Variants in MARCHF1 observed in about 807,000 individuals in gnomAD.
The protein encoded by MARCHF1 is E3 ubiquitin-protein ligase MARCHF1.
Under a neutral mutation model 54.2 loss-of-function variants are expected in MARCHF1, and 40 were observed. The ratio of observed to expected loss-of-function variants is 0.74; its 90% CI spans 0.57 to 0.96. The LOEUF is 0.96. MARCHF1 is among the 40% of genes least tolerant of loss of function. The probability of loss-of-function intolerance (pLI) is 0.00; values close to 1 mark genes in which losing one functional copy is unlikely to be tolerated. For missense variants in MARCHF1, 586 were observed against 656.5 expected (o/e 0.89, Z 1.17); for synonymous variants, 236 against 236.3 (o/e 1.00, Z 0.01).
intron 1 of MARCHF1, among the ~76,000 whole-genome samples, chr4:164,282,973 T>G (rs1483267279): frequency 2.0e-5 from 3 of 151,222 alleles, no homozygotes; most frequent in African/African-American, 7.3e-5. Flanking sequence ...TCCATCACTG[T>G]GGACATAGAA....
At chr4:163,597,522 G>A (rs1348055332) in intron 7 of MARCHF1, among the ~76,000 whole-genome samples, 2 of 152,004 alleles carry the variant, frequency 1.3e-5, no homozygotes, top group Non-Finnish European at 2.9e-5. Context: ...ATGGAAAAAG[G>A]TTATAAGGAA....
intron 2 of MARCHF1, among the ~76,000 whole-genome samples, chr4:164,024,553 A>G (rs1252098869): frequency 6.6e-6 from 1 of 152,234 alleles, no homozygotes; most frequent in African/African-American, 2.4e-5. Context: ...GGAATTCATT[A>G]TAACTAGACA....
intron 5 of MARCHF1, among the ~76,000 whole-genome samples, chr4:163,669,757 C>T (rs1475011569): frequency 1.3e-5 from 2 of 152,076 alleles, no homozygotes; most frequent in African/African-American, 4.8e-5. Context: ...TGCCACCATA[C>T]CTGGCTAATT....
At chr4:163,607,689 T>G (rs143239304) in intron 7 of MARCHF1, among the ~76,000 whole-genome samples, 265 of 152,230 alleles carry the variant, frequency 1.7e-3, no homozygotes, top group African/African-American at 6.2e-3. Flanking sequence ...AATACATTCT[T>G]TAGATTCTTT....
intron 4 of MARCHF1, among the ~76,000 whole-genome samples, chr4:163,833,883 G>A (rs1175416699): frequency 6.6e-6 from 1 of 152,092 alleles, no homozygotes; most frequent in African/African-American, 2.4e-5. Context: ...GCTTTTCTGA[G>A]GCAATTAGAA....
At chr4:164,291,555 C>T (rs571535062) in intron 1 of MARCHF1, among the ~76,000 whole-genome samples, 1 of 152,018 alleles carries the variant, frequency 6.6e-6, no homozygotes, top group East Asian at 1.9e-4. Flanking sequence ...ATTATTTCAT[C>T]ATTGTACAAC....
At chr4:163,553,611 G>A (rs189202419) in intron 8 of MARCHF1, among the ~76,000 whole-genome samples, 1 of 152,296 alleles carries the variant, frequency 6.6e-6, no homozygotes, top group East Asian at 1.9e-4. Flanking sequence ...AAGAAATGGA[G>A]CAAATATCAT....
chr4:163,843,711 A>G (rs1321591604), intron 4 of MARCHF1, among the ~76,000 whole-genome samples: 1 of 151,558 alleles, frequency 6.6e-6, no homozygotes, highest in Non-Finnish European at 1.5e-5. Flanking sequence ...CCCCGACAGG[A>G]CCCAGTGTGT....
At chr4:163,633,909 C>T (rs1012236496) in intron 5 of MARCHF1, among the ~76,000 whole-genome samples, 10 of 152,248 alleles carry the variant, frequency 6.6e-5, no homozygotes, top group Non-Finnish European at 1.3e-4. Flanking sequence ...TGGCAGACAC[C>T]CTACAAGCCA....
chr4:163,806,008 T>C (rs1321140273), intron 4 of MARCHF1, among the ~76,000 whole-genome samples: 4 of 152,204 alleles, frequency 2.6e-5, no homozygotes, highest in African/African-American at 9.6e-5. Context: ...TCCTCTACAC[T>C]TGGATCTGCC....
In MARCHF1 at chr4:163,809,796, AAAC is replaced by A. The variant is rs558303793; in HGVS notation, c.111+44222_111+44224del. Among the ~76,000 whole-genome samples, 471 of 152,318 alleles carry A rather than the reference AAAC, an allele frequency of 3.1e-3. 3 individuals are homozygous for A. Among genetic ancestry groups the A allele is most frequent in the African/African-American group, 0.011 (448 of 41,582 alleles). On this transcript the variant is annotated intron_variant, in intron 4 of 9. Transcript: ENST00000514618. ...TTTTAGTCACACTAAAGATATTTTTAAACAAAAACAAAATTTAAAATGTTAAGA... is the reference window on the plus strand; with the variant it reads ...TTTTAGTCACACTAAAGATATTTTTAAAAAACAAAATTTAAAATGTTAAGA...
intron 1 of MARCHF1, among the ~76,000 whole-genome samples, chr4:164,203,023 A>C (rs1332504329): frequency 2.6e-5 from 4 of 151,794 alleles, no homozygotes; most frequent in Non-Finnish European, 4.4e-5. Context: ...GAAATAACAG[A>C]GTAGATTGAG....
At chr4:163,860,918 C>A in intron 3 of MARCHF1, among the ~76,000 whole-genome samples, 1 of 151,936 alleles carries the variant, frequency 6.6e-6, no homozygotes, top group East Asian at 1.9e-4. Flanking sequence ...TCTACAACAA[C>A]AAAAAATTAC....
At chr4:163,930,356 A>T (rs1751643373) in intron 3 of MARCHF1, among the ~76,000 whole-genome samples, 1 of 152,004 alleles carries the variant, frequency 6.6e-6, no homozygotes, top group African/African-American at 2.4e-5. Flanking sequence ...TACCTCAGAA[A>T]TTGAACAGAG....
intron 3 of MARCHF1, among the ~76,000 whole-genome samples, chr4:163,867,273 T>G (rs1262313587): frequency 6.6e-6 from 1 of 151,930 alleles, no homozygotes; most frequent in African/African-American, 2.4e-5. Flanking sequence ...ACTATGATAT[T>G]TACATAAAGT....
At chr4:164,230,016 C>A (rs1252003893) in intron 1 of MARCHF1, among the ~76,000 whole-genome samples, 8 of 152,130 alleles carry the variant, frequency 5.3e-5, no homozygotes, top group Non-Finnish European at 1.2e-4. Context: ...TGGGCTCAAG[C>A]AATCTTCCTA....
intron 2 of MARCHF1, among the ~76,000 whole-genome samples, chr4:164,027,822 A>G (rs1475070225): frequency 1.3e-5 from 2 of 152,154 alleles, no homozygotes; most frequent in African/African-American, 4.8e-5. Flanking sequence ...ATGAGAGAAA[A>G]TATTCACAAA....
At chr4:164,241,870 G>T (rs12511867) in intron 1 of MARCHF1, among the ~76,000 whole-genome samples, 11 of 151,590 alleles carry the variant, frequency 7.3e-5, no homozygotes, top group Non-Finnish European at 1.5e-4. Flanking sequence ...GGTGACGGAT[G>T]GCACCTGGAA....
chr4:163,975,438 A>T (rs1181292728), intron 3 of MARCHF1, among the ~76,000 whole-genome samples: 1 of 152,194 alleles, frequency 6.6e-6, no homozygotes, highest in Non-Finnish European at 1.5e-5. Flanking sequence ...TTCAGTTTTC[A>T]ACCAAAATTT....
Sources: gnomAD v4.1 joint callset for allele counts (sites outside exome capture counted in the v4.1 genomes callset) on GRCh38, gnomAD v4.1.1 for gene constraint, MANE v1.5 for transcripts, NCBI Gene and HGNC (gene_info 2026-07-23, HGNC 2026-07-21) for gene names.